Variants in RAPGEF2 observed in about 807,000 individuals in gnomAD.
The protein encoded by RAPGEF2 is PDZ domain containing guanine nucleotide exchange factor (GEF) 1.
Under a neutral mutation model 186.7 loss-of-function variants are expected in RAPGEF2, and 54 were observed. The ratio of observed to expected loss-of-function variants is 0.29; its 90% CI spans 0.23 to 0.36. RAPGEF2 has a LOEUF of 0.36. Ranked by LOEUF, RAPGEF2 falls within the 10% of genes least tolerant of loss-of-function variation. RAPGEF2 has a pLI of 1.00. For missense variants in RAPGEF2, 1,532 were observed against 2,045.0 expected, an observed-to-expected ratio of 0.75 and a Z score of 4.84; for synonymous variants, 712 against 705.9, an observed-to-expected ratio of 1.01 and a Z score of -0.14.
chr4:159,326,336 A>G (rs1765918156), intron 11 of RAPGEF2, among the ~76,000 whole-genome samples: 2 of 152,340 alleles, frequency 1.3e-5, no homozygotes, highest in South Asian at 2.1e-4. Flanking sequence ...ATGAGTTTCT[A>G]TCATTTTACT....
chr4:159,348,791 T>C (rs909327936), intron 25 of RAPGEF2, among the ~76,000 whole-genome samples: 1 of 152,230 alleles, frequency 6.6e-6, no homozygotes, highest in African/African-American at 2.4e-5. Context: ...GTTCCATTTA[T>C]GAACTTTAGA....
At chr4:159,119,102 G>A (rs1393081007) in intron 1 of RAPGEF2, among the ~76,000 whole-genome samples, 1 of 152,144 alleles carries the variant, frequency 6.6e-6, no homozygotes, top group African/African-American at 2.4e-5. Context: ...TTTGCAGGTT[G>A]CCAAGAACTG....
intron 1 of RAPGEF2, among the ~76,000 whole-genome samples, chr4:159,109,402 C>T (rs1404525339): frequency 1.3e-5 from 2 of 152,096 alleles, no homozygotes; most frequent in East Asian, 1.9e-4. Flanking sequence ...CTTGATAATC[C>T]GTATTTTATG....
At chr4:159,225,724 T>A (rs55756023) in intron 4 of RAPGEF2, among the ~76,000 whole-genome samples, 26,383 of 152,154 alleles carry the variant, frequency 0.17, 2,422 homozygotes, top group Admixed American at 0.22. Context: ...ATTTTGCATT[T>A]CTCTGAAGAT....
chr4:159,295,754 T>TGTGCGC (rs1386754001), intron 7 of RAPGEF2, among the ~76,000 whole-genome samples: 47 of 113,990 alleles, frequency 4.1e-4, no homozygotes, highest in South Asian at 9.7e-4. Flanking sequence ...TGTGTGTGTG[T>TGTGCGC]GCGCGCGCGC....
At position 159,353,842 on chromosome 4, in the gene RAPGEF2, T is replaced by C. The variant is rs891701369; in HGVS notation, c.4447T>C (p.Ser1483Pro). ...TAGAGAGAGCCTTGAACAAGCCCAG[T>C]CCCGAGCAAGCTGGGCGTCTTCCAC... ...QSRESLEQAQ[S>P]RASWASSTGY... The change falls in exon 28 of 30, where the codon TCC (serine) becomes CCC (proline). Residue 1483 changes from serine to proline, a missense_variant. Around this residue, in one of 4 missense-constraint regions of RAPGEF2, gnomAD observed 594 missense variants for 608.5 expected, o/e 0.98. Coordinates refer to ENST00000691494, the MANE Select transcript of RAPGEF2 (RefSeq NM_001394067.2). The surrounding 1 kb of genome is among the most constrained non-coding windows in gnomAD (Gnocchi z 4.3). 1 of 1,614,234 alleles carries C rather than the reference T, an allele frequency of 6.2e-7. No homozygotes were observed. The highest frequency in any genetic ancestry group is 1.1e-5 in the South Asian group (1 of 91,088).
In RAPGEF2 at chr4:159,314,775, T is replaced by C. The variant is rs1764347006; in HGVS notation, c.853+7T>C. 6.3e-7 allele frequency: 1 copy of C among 1,576,246 alleles called. No homozygotes were observed. The highest frequency in any genetic ancestry group is 2.3e-5 in the East Asian group (1 of 43,476). On this transcript the variant is annotated splice_region_variant and intron_variant, in intron 9 of 29. Coordinates refer to ENST00000691494, the MANE Select transcript of RAPGEF2 (RefSeq NM_001394067.2). ...CGGACAGATGATGACATTGGTAAGCTTGAACAGGAAAATGAATCTACGAGC... is the reference window on the plus strand; with the variant it reads ...CGGACAGATGATGACATTGGTAAGCCTGAACAGGAAAATGAATCTACGAGC...
At chr4:159,354,907 T>C (rs1309842491) in intron 28 of RAPGEF2, among the ~76,000 whole-genome samples, 1 of 152,218 alleles carries the variant, frequency 6.6e-6, no homozygotes, top group African/African-American at 2.4e-5. Flanking sequence ...TAGGAACAGA[T>C]GATAGGTTGT....
intron 4 of RAPGEF2, among the ~76,000 whole-genome samples, chr4:159,218,349 T>C (rs926171590): frequency 2.0e-5 from 3 of 152,224 alleles, no homozygotes; most frequent in African/African-American, 7.2e-5. Context: ...ACAAGTAATA[T>C]ACTGGTCTTA....
intron 26 of RAPGEF2, among the ~76,000 whole-genome samples, chr4:159,352,240 C>A (rs987386840): frequency 7.2e-5 from 11 of 152,096 alleles, no homozygotes; most frequent in Non-Finnish European, 1.3e-4. Context: ...AGGTAGGATA[C>A]AGGTATTTCC....
intron 4 of RAPGEF2, among the ~76,000 whole-genome samples, chr4:159,214,407 A>T (rs1011134538): frequency 2.0e-5 from 3 of 152,240 alleles, no homozygotes; most frequent in Admixed American, 6.5e-5. Context: ...GATGAAGATT[A>T]TCTTATGAGG....
intron 1 of RAPGEF2, among the ~76,000 whole-genome samples, chr4:159,135,732 TG>T (rs1741648948): frequency 1.3e-5 from 2 of 152,184 alleles, no homozygotes; most frequent in Non-Finnish European, 2.9e-5. Context: ...CCTGAGTAGC[TG>T]GGATTACAGG....
At position 159,211,009 on chromosome 4, in the gene RAPGEF2, A is replaced by G. The variant is rs189524482; in HGVS notation, c.281+426A>G. 6.6e-4 allele frequency among the ~76,000 whole-genome samples: 100 copies of G among 152,260 alleles called. 1 individual carries two copies. Among genetic ancestry groups the G allele is most frequent in the Non-Finnish European group, 1.2e-3 (80 of 68,018 alleles). ...TGGAAAGCCAGGGACTTTCATTGAC[A>G]TTTTTTGCTTCTCAAGACCATATGG... is the stretch of plus-strand genomic sequence containing the variant. On this transcript the variant is annotated intron_variant, in intron 4 of 29. Coordinates refer to ENST00000691494, the MANE Select transcript of RAPGEF2 (RefSeq NM_001394067.2).
At chr4:159,287,762 A>T (rs1431446646) in intron 7 of RAPGEF2, among the ~76,000 whole-genome samples, 1 of 152,196 alleles carries the variant, frequency 6.6e-6, no homozygotes, top group Non-Finnish European at 1.5e-5. Context: ...TTTGGAAACT[A>T]CTCAAATTAA....
At chr4:159,265,196 G>A (rs1184197084) in intron 7 of RAPGEF2, among the ~76,000 whole-genome samples, 1 of 152,168 alleles carries the variant, frequency 6.6e-6, no homozygotes, top group East Asian at 1.9e-4. Context: ...ACAGTGCTTG[G>A]TGCGGTGAAC....
chr4:159,342,067 C>A, intron 20 of RAPGEF2, 120 bp downstream of exon 20: 1 of 1,012,914 alleles, frequency 9.9e-7, no homozygotes, highest in Non-Finnish European at 1.4e-6. Flanking sequence ...TCATAAGAGA[C>A]AATTCTTTTT....
At chr4:159,233,637 G>T (rs118062731) in intron 4 of RAPGEF2, among the ~76,000 whole-genome samples, 1 of 151,938 alleles carries the variant, frequency 6.6e-6, no homozygotes, top group African/African-American at 2.4e-5. Context: ...GTGAGAAGGG[G>T]GTGAGGGATA....
At chr4:159,355,194 C>T (rs1731793595) in intron 28 of RAPGEF2, among the ~76,000 whole-genome samples, 1 of 152,138 alleles carries the variant, frequency 6.6e-6, no homozygotes, top group African/African-American at 2.4e-5. Context: ...TTTAGTTTTA[C>T]TGGCCTATAC....
At position 159,343,206 on chromosome 4, in the gene RAPGEF2, A is replaced by AG; in HGVS notation, c.3130+19dup. The stretch of plus-strand genomic sequence containing the variant: ...CTTCACGAAGGTAAACATAAGGCAG[A>AG]GGGTTTCCATCTTTGCTTGAAGAAG... On this transcript the variant is annotated intron_variant, in intron 21 of 29. Coordinates refer to ENST00000691494, the MANE Select transcript of RAPGEF2 (RefSeq NM_001394067.2). 6.2e-7 allele frequency: 1 copy of AG among 1,614,030 alleles called. No individual in the cohort carries two copies. Among genetic ancestry groups the AG allele is most frequent in the Non-Finnish European group, 8.5e-7 (1 of 1,179,896 alleles).
Sources: gnomAD v4.1 joint callset for allele counts (sites outside exome capture counted in the v4.1 genomes callset) on GRCh38, gnomAD v4.1.1 for gene constraint, gnomAD v4.1.1 regional missense constraint, Gnocchi (gnomAD v3.1) non-coding constraint, MANE v1.5 for transcripts, NCBI Gene and HGNC (gene_info 2026-07-23, HGNC 2026-07-21) for gene names.